Variants in PHACTR2 observed in about 807,000 individuals in gnomAD.
PHACTR2 encodes the protein phosphatase and actin regulator 2.
In PHACTR2, 30 loss-of-function variants were observed where a neutral mutation model predicts 76.0. That is an observed-to-expected ratio of 0.39 (90% CI 0.30 to 0.54). The LOEUF is 0.54. PHACTR2 is among the 20% of genes least tolerant of loss of function. The pLI, the probability that PHACTR2 is intolerant of heterozygous loss-of-function variation, is 0.61. For missense variants in PHACTR2, 696 were observed against 781.1 expected (o/e 0.89, Z 1.30); for synonymous variants, 292 against 292.5 (o/e 1.00, Z 0.02).
At chr6:143,701,030 A>G (rs9496740) in intron 1 of PHACTR2, among the ~76,000 whole-genome samples, 32,529 of 152,226 alleles carry the variant, frequency 0.21, 3,475 homozygotes, top group Middle Eastern at 0.29. Flanking sequence ...TGATTTTTCC[A>G]TTAGCAAAGT....
Position 143,678,310 on chromosome 6 carries a change from C to A in PHACTR2, c.46+101C>A. 1.8e-6 allele frequency: 2 copies of A among 1,127,824 alleles called. No homozygotes were observed. Among genetic ancestry groups the A allele is most frequent in the South Asian group, 2.0e-5 (1 of 50,618 alleles). The allele number at this position is 1,127,824 out of a possible 1,614,324, so 69.9% of individuals were successfully genotyped here. On this transcript the variant is annotated intron_variant, in intron 1 of 12. Coordinates refer to ENST00000440869, the MANE Select transcript of PHACTR2 (RefSeq NM_001100164.2). This position sits in a 1 kb window ranked among gnomAD's most constrained non-coding sequence, Gnocchi z 6.2. Reference sequence around the variant, plus strand: ...GTTAGTCGTCTGGTCGGGTTCCGCTCGGACCCGCCAAGTCCCTCGGAGAAA... The same window carrying A: ...GTTAGTCGTCTGGTCGGGTTCCGCTAGGACCCGCCAAGTCCCTCGGAGAAA...
chr6:143,778,402 T>C (rs1251342797), intron 9 of PHACTR2, among the ~76,000 whole-genome samples: 1 of 152,034 alleles, frequency 6.6e-6, no homozygotes, highest in Admixed American at 6.6e-5. Context: ...GAAAATGAAC[T>C]ACCATCCAGT....
chr6:143,716,559 A>C (rs1305757760), intron 2 of PHACTR2, among the ~76,000 whole-genome samples: 2 of 152,316 alleles, frequency 1.3e-5, no homozygotes, highest in East Asian at 3.9e-4. Flanking sequence ...GGTTGGTCTC[A>C]AACTCCCGGG....
intron 9 of PHACTR2, among the ~76,000 whole-genome samples, chr6:143,778,146 C>T (rs1241845420): frequency 6.6e-6 from 1 of 152,026 alleles, no homozygotes; most frequent in Admixed American, 6.6e-5. Context: ...TATTGTTAAC[C>T]CAGTTTCAAA....
Position 143,565,496 on chromosome 6 carries a change from A to G in PHACTR2, c.217+28289A>G, listed in dbSNP as rs1480772259. Among the ~76,000 whole-genome samples the G allele has an allele frequency of 3.3e-5, 5 of 151,762 alleles. No individual in the cohort carries two copies. The East Asian group carries it at 9.7e-4, about 30-fold the overall frequency. On this transcript the variant is annotated intron_variant, in intron 1 of 11. Transcript: ENST00000367584. ...AGCCGGGCGTGGTGGTGGGCGCTAC[A>G]CGGGAAGCTGAGGCAGGAGAATGGC...
intron 11 of PHACTR2, among the ~76,000 whole-genome samples, chr6:143,796,360 G>T (rs1403529675): frequency 2.6e-5 from 4 of 151,074 alleles, no homozygotes; most frequent in Non-Finnish European, 4.4e-5. Flanking sequence ...AAGGCAGCAA[G>T]GTCTGCATTT....
intron 1 of PHACTR2, among the ~76,000 whole-genome samples, chr6:143,590,933 C>T (rs775278296): frequency 1.3e-5 from 2 of 151,954 alleles, no homozygotes; most frequent in Non-Finnish European, 2.9e-5. Flanking sequence ...ATGGACTGGC[C>T]GAGACCAAAA....
At chr6:143,716,857 C>G (rs1778313723) in intron 2 of PHACTR2, among the ~76,000 whole-genome samples, 3 of 152,306 alleles carry the variant, frequency 2.0e-5, no homozygotes, top group Admixed American at 2.0e-4. Flanking sequence ...GGAGGGCTTG[C>G]TCTGGTCAGC....
chr6:143,752,469 AT>A (rs1779204659), intron 3 of PHACTR2, among the ~76,000 whole-genome samples: 2 of 151,986 alleles, frequency 1.3e-5, no homozygotes, highest in South Asian at 4.2e-4. Flanking sequence ...TCTTACTTTA[AT>A]TTTATTAAAA....
In PHACTR2 at chr6:143,742,359, C is replaced by G. The variant is rs1211661905; in HGVS notation, c.215-6626C>G. Reference sequence around the variant, plus strand: ...CTTTTGTTGTTGTTGTGGTTGTTAACTTCAGTTCTCCTCTTGCGGAGGCAA... The same window carrying G: ...CTTTTGTTGTTGTTGTGGTTGTTAAGTTCAGTTCTCCTCTTGCGGAGGCAA... On this transcript the variant is annotated intron_variant, in intron 2 of 12. Transcript: ENST00000440869. The surrounding 1 kb of genome is among the most constrained non-coding windows in gnomAD (Gnocchi z 4.5). Among the ~76,000 whole-genome samples the G allele has an allele frequency of 6.6e-6, 1 of 152,148 alleles. No homozygotes were observed. The highest frequency in any genetic ancestry group is 1.5e-5 in the Non-Finnish European group (1 of 68,036).
Position 143,664,867 on chromosome 6 carries a change from C to T in PHACTR2, c.14-47149C>T, listed in dbSNP as rs1427732147. ...AGGCTGGAGTGCAGTGGTGCAATCTCGGTTCACTGCAACCTCTGCCTCCCT... is the reference window on the plus strand; with the variant it reads ...AGGCTGGAGTGCAGTGGTGCAATCTTGGTTCACTGCAACCTCTGCCTCCCT... On this transcript the variant is annotated intron_variant, in intron 1 of 11. Transcript: ENST00000305766. The surrounding 1 kb of genome is among the most constrained non-coding windows in gnomAD (Gnocchi z 5.1). Among the ~76,000 whole-genome samples the T allele has an allele frequency of 2.0e-5, 3 of 152,086 alleles. No individual in the cohort carries two copies. Among genetic ancestry groups the T allele is most frequent in the Admixed American group, 6.5e-5 (1 of 15,268 alleles).
At position 143,764,751 on chromosome 6, in the gene PHACTR2, T is replaced by G. The variant is rs1032415711; in HGVS notation, c.695-510T>G. ...TCTCTTTTAGCAGTAAGATGAGTGA[T>G]TTTGTTTTTGACCCAGAAAGAAGCT... On this transcript the variant is annotated intron_variant, in intron 5 of 12. Transcript: ENST00000440869. This position sits in a 1 kb window ranked among gnomAD's most constrained non-coding sequence, Gnocchi z 4.7. 3.3e-5 allele frequency among the ~76,000 whole-genome samples: 5 copies of G among 152,184 alleles called. No individual in the cohort carries two copies. The highest frequency in any genetic ancestry group is 1.2e-4 in the African/African-American group (5 of 41,440).
chr6:143,615,660 T>C (rs1429809329), intron 1 of PHACTR2, among the ~76,000 whole-genome samples: 1 of 152,216 alleles, frequency 6.6e-6, no homozygotes, highest in Admixed American at 6.5e-5. Context: ...AAAGATGTGA[T>C]AATATTAGAG....
At position 143,806,032 on chromosome 6, in the gene PHACTR2, A is replaced by C. The variant is rs9403533; in HGVS notation, c.1846-1025A>C. Among the ~76,000 whole-genome samples the C allele has an allele frequency of 0.54, 81,771 of 152,068 alleles. 23,450 individuals carry two copies. Among genetic ancestry groups the C allele is most frequent in the East Asian group, 0.69 (3,560 of 5,166 alleles). On this transcript the variant is annotated intron_variant, in intron 11 of 12. Coordinates refer to ENST00000440869, the MANE Select transcript of PHACTR2 (RefSeq NM_001100164.2). This position sits in a 1 kb window ranked among gnomAD's most constrained non-coding sequence, Gnocchi z 5.8. ...ATTCTTAGTTTTGGCTGAAGAGTCC[A>C]TTTTGCCTAGAGGTTACAGGGGTGT...
Position 143,777,442 on chromosome 6 carries a change from AGATGATC to A in PHACTR2, c.1645+63_1645+69del. 1 of 846,310 alleles carries A rather than the reference AGATGATC, an allele frequency of 1.2e-6. No homozygotes were observed. Among genetic ancestry groups the A allele is most frequent in the Non-Finnish European group, 1.9e-6 (1 of 536,514 alleles). 52.4% of individuals were successfully genotyped at this position (846,310 alleles called of 1,614,324 possible). A position where few individuals can be genotyped will look rare whatever the true frequency, so the allele number is the denominator to read the frequency against. On this transcript the variant is annotated intron_variant, in intron 9 of 12. Transcript: ENST00000440869. The surrounding 1 kb of genome is among the most constrained non-coding windows in gnomAD (Gnocchi z 4.6). ...GTAATCGCTAACAAGCTGCCTCTACAGATGATCGATTTATCAGTAAGAAACCATCATA... is the reference window on the plus strand; with the variant it reads ...GTAATCGCTAACAAGCTGCCTCTACAGATTTATCAGTAAGAAACCATCATA...
chr6:143,692,544 T>G (rs1245533628), intron 1 of PHACTR2, among the ~76,000 whole-genome samples: 1 of 152,158 alleles, frequency 6.6e-6, no homozygotes. Context: ...AAACATGAGA[T>G]TTTTAGAAGA....
rs1776466341 is a variant in PHACTR2, at chr6:143,823,337, T to A, written c.1923-337T>A. ...TACCAAAATCCCTTTGTGAAACATC[T>A]CCCTCTGCTTGATAAAGGTTAGAGC... On this transcript the variant is annotated intron_variant, in intron 12 of 12. Coordinates refer to ENST00000440869, the MANE Select transcript of PHACTR2 (RefSeq NM_001100164.2). The surrounding 1 kb of genome is among the most constrained non-coding windows in gnomAD (Gnocchi z 5.7). Among the ~76,000 whole-genome samples the A allele has an allele frequency of 6.6e-6, 1 of 152,182 alleles. No homozygotes were observed. Among genetic ancestry groups the A allele is most frequent in the African/African-American group, 2.4e-5 (1 of 41,436 alleles).
chr6:143,693,389 C>T (rs565486597), intron 1 of PHACTR2, among the ~76,000 whole-genome samples: 44 of 152,236 alleles, frequency 2.9e-4, no homozygotes, highest in African/African-American at 1.0e-3. Flanking sequence ...AGGCACGCAC[C>T]ACCACACCTG....
In PHACTR2 at chr6:143,775,799, C is replaced by T. The variant is rs941235501; in HGVS notation, c.1590-1529C>T. On this transcript the variant is annotated intron_variant, in intron 8 of 12. Coordinates refer to ENST00000440869, the MANE Select transcript of PHACTR2 (RefSeq NM_001100164.2). The surrounding 1 kb of genome is among the most constrained non-coding windows in gnomAD (Gnocchi z 4.4). The stretch of plus-strand genomic sequence containing the variant: ...AAAAGTGTGAAGTATCCTATACCCA[C>T]CTCAATAAATGTCAAAGTAGCAGTA... Among the ~76,000 whole-genome samples the T allele has an allele frequency of 2.2e-4, 33 of 152,112 alleles. No individual in the cohort carries two copies. Among genetic ancestry groups the T allele is most frequent in the African/African-American group, 7.7e-4 (32 of 41,404 alleles).
Sources: allele counts gnomAD v4.1 joint callset (sites outside exome capture counted in the v4.1 genomes callset), GRCh38; gene constraint gnomAD v4.1.1; non-coding constraint Gnocchi (gnomAD v3.1); transcripts MANE v1.5; gene names NCBI Gene and HGNC (gene_info 2026-07-23, HGNC 2026-07-21).